The following R3HDM2 variants were observed in gnomAD, a reference collection of about 807,000 sequenced individuals.
R3HDM2 encodes the protein R3H domain-containing protein 2.
Under a neutral mutation model 124.5 loss-of-function variants are expected in R3HDM2, and 38 were observed. The observed-to-expected ratio is 0.31, with a 90% CI of 0.24 to 0.40. The LOEUF (loss-of-function observed/expected upper bound fraction) is 0.40. Ranked by LOEUF, R3HDM2 falls within the 10% of genes least tolerant of loss-of-function variation. R3HDM2 has a pLI of 1.00. For synonymous variants in R3HDM2, 391 were observed against 448.0 expected (o/e 0.87, Z 1.61); for missense variants, 869 against 1,236.9 (o/e 0.70, Z 4.46).
intron 2 of R3HDM2, among the ~76,000 whole-genome samples, chr12:57,356,821 T>C (rs1370571341): frequency 6.6e-6 from 1 of 152,168 alleles, no homozygotes. Flanking sequence ...ATATAAACAG[T>C]AAAATTTGGC....
intron 1 of R3HDM2, among the ~76,000 whole-genome samples, chr12:57,404,583 G>A (rs1032522033): frequency 1.3e-5 from 2 of 152,070 alleles, no homozygotes; most frequent in African/African-American, 4.8e-5. Flanking sequence ...TGCGCCTGTA[G>A]TCCCAGCTAC....
At chr12:57,316,536 A>C (rs1203080823) in intron 2 of R3HDM2, among the ~76,000 whole-genome samples, 1 of 151,910 alleles carries the variant, frequency 6.6e-6, no homozygotes, top group Non-Finnish European at 1.5e-5. Flanking sequence ...GCACCCTGCC[A>C]ACACATGGAG....
At chr12:57,276,528 A>G (rs2137712846) in intron 14 of R3HDM2, among the ~76,000 whole-genome samples, 1 of 152,346 alleles carries the variant, frequency 6.6e-6, no homozygotes, top group East Asian at 1.9e-4. Context: ...TCAGGAATGG[A>G]AAACCAAACA....
chr12:57,360,006 A>AATAAATAAATAAATATATATATAT (rs1403496780), intron 2 of R3HDM2, among the ~76,000 whole-genome samples: 3 of 117,690 alleles, frequency 2.5e-5, no homozygotes, highest in African/African-American at 9.1e-5. Flanking sequence ...TAAATAAATA[A>AATAAATAAATAAATATATATATAT]ATATATATAT....
chr12:57,338,100 T>C (rs1362732610), intron 2 of R3HDM2, among the ~76,000 whole-genome samples: 5 of 152,126 alleles, frequency 3.3e-5, no homozygotes, highest in Admixed American at 3.3e-4. Flanking sequence ...GGTCAGGAGT[T>C]CAAGACCAGC....
intron 6 of R3HDM2, among the ~76,000 whole-genome samples, chr12:57,298,918 G>A (rs774411534): frequency 1.6e-4 from 24 of 152,006 alleles, no homozygotes; most frequent in Non-Finnish European, 3.1e-4. Context: ...AGCCAAGATC[G>A]TGCCACTGCA....
intron 12 of R3HDM2, among the ~76,000 whole-genome samples, chr12:57,284,366 C>T (rs559836864): frequency 1.2e-4 from 18 of 152,304 alleles, no homozygotes; most frequent in Admixed American, 9.2e-4. Context: ...GGTCTCTTCC[C>T]CACCCTCTGA....
intron 1 of R3HDM2, among the ~76,000 whole-genome samples, chr12:57,416,223 A>G (rs2069582975): frequency 6.6e-6 from 1 of 152,174 alleles, no homozygotes; most frequent in African/African-American, 2.4e-5. Context: ...TGTACTATGT[A>G]TGTAGGGAGG....
Position 57,338,471 on chromosome 12 carries a change from T to C in R3HDM2, c.-35-28008A>G, listed in dbSNP as rs1389974609. Among the ~76,000 whole-genome samples, 5 of 152,328 alleles carry C rather than the reference T, an allele frequency of 3.3e-5. No individual in the cohort carries two copies. In the South Asian group the frequency reaches 6.2e-4, roughly 19 times the overall value. ...CATATTAGTACAGAATTTGTATCCA[T>C]ATTGGTTGGATATGTTCAAGTGATC... On this transcript the variant is annotated intron_variant, in intron 2 of 23. Coordinates refer to ENST00000402412, the MANE Select transcript of R3HDM2 (RefSeq NM_001394031.1).
At chr12:57,292,749 G>A in intron 10 of R3HDM2, 82 bp from the exon 11 acceptor site, 5 of 906,366 alleles carry the variant, frequency 5.5e-6, no homozygotes, top group Non-Finnish European at 6.7e-6. Flanking sequence ...AGAGAAACCG[G>A]GAAAGTTTAT....
intron 2 of R3HDM2, among the ~76,000 whole-genome samples, chr12:57,329,491 G>T (rs1343866153): frequency 6.6e-6 from 1 of 152,168 alleles, no homozygotes; most frequent in African/African-American, 2.4e-5. Flanking sequence ...GATAACAATT[G>T]CAAGGTGCCT....
In R3HDM2 at chr12:57,317,708, C is replaced by T. The variant is rs544579239; in HGVS notation, c.-35-7245G>A. Among the ~76,000 whole-genome samples, 23 of 141,832 alleles carry T rather than the reference C, an allele frequency of 1.6e-4. 1 individual carries two copies. The highest frequency in any genetic ancestry group is 2.9e-4 in the African/African-American group (11 of 38,288). The allele number at this position is 141,832 out of a possible 152,430, so 93.0% of individuals were successfully genotyped here. A position where few individuals can be genotyped will look rare whatever the true frequency, so the allele number is the denominator to read the frequency against. On this transcript the variant is annotated intron_variant, in intron 2 of 23. Coordinates refer to ENST00000402412, the MANE Select transcript of R3HDM2 (RefSeq NM_001394031.1). ...AAAAAAGGGTATATTAACAGAGGAA[C>T]GGGCCAGGCCGGGTGGCTCGCGCCT...
intron 3 of R3HDM2, among the ~76,000 whole-genome samples, chr12:57,305,051 G>C (rs2052251635): frequency 6.6e-6 from 1 of 152,146 alleles, no homozygotes; most frequent in South Asian, 2.1e-4. Flanking sequence ...CAGGCGTGGT[G>C]GTGGGCACCT....
At chr12:57,348,065 C>T (rs1043940219) in intron 2 of R3HDM2, among the ~76,000 whole-genome samples, 3 of 152,088 alleles carry the variant, frequency 2.0e-5, no homozygotes, top group South Asian at 2.1e-4. Context: ...TAGTTCTGAT[C>T]GTTCTGTATT....
chr12:57,337,040 A>G (rs1217579110), intron 2 of R3HDM2, among the ~76,000 whole-genome samples: 3 of 152,244 alleles, frequency 2.0e-5, no homozygotes, highest in African/African-American at 7.2e-5. Flanking sequence ...CAGCAGACTA[A>G]CGTGAGAAGC....
chr12:57,305,420 A>G (rs1044492149), intron 3 of R3HDM2, among the ~76,000 whole-genome samples: 1 of 152,146 alleles, frequency 6.6e-6, no homozygotes, highest in African/African-American at 2.4e-5. Context: ...ATATATATAA[A>G]TATAGTATAT....
chr12:57,402,146 T>C (rs1050055779), intron 1 of R3HDM2, among the ~76,000 whole-genome samples: 1 of 151,238 alleles, frequency 6.6e-6, no homozygotes, highest in East Asian at 2.0e-4. Flanking sequence ...AATACAAAAA[T>C]TAGCCAGACA....
chr12:57,357,720 C>T (rs1197362140), intron 2 of R3HDM2, among the ~76,000 whole-genome samples: 2 of 143,206 alleles, frequency 1.4e-5, no homozygotes, highest in African/African-American at 5.2e-5. Flanking sequence ...CCTTTGCTTA[C>T]TTTTAGTTTG....
chr12:57,346,227 C>T (rs769085419), intron 2 of R3HDM2, among the ~76,000 whole-genome samples: 3 of 150,220 alleles, frequency 2.0e-5, no homozygotes, highest in East Asian at 2.0e-4. Flanking sequence ...GAGGCCGAAG[C>T]GAGTGGATCA....
Sources: allele counts gnomAD v4.1 joint callset (sites outside exome capture counted in the v4.1 genomes callset), GRCh38; gene constraint gnomAD v4.1.1; transcripts MANE v1.5; gene names NCBI Gene and HGNC (gene_info 2026-07-23, HGNC 2026-07-21).